Variants in HDAC7 observed in about 807,000 individuals in gnomAD.
HDAC7 encodes histone deacetylase 7, also known as histone deacetylase 7A.
A neutral mutation model predicts 115.5 loss-of-function variants in HDAC7; 26 were observed. The ratio of observed to expected loss-of-function variants is 0.23; its 90% confidence interval spans 0.16 to 0.31. The LOEUF is 0.31. Ranked by LOEUF, HDAC7 falls within the 10% of genes least tolerant of loss-of-function variation. The probability of loss-of-function intolerance (pLI) is 1.00; values close to 1 mark genes in which losing one functional copy is unlikely to be tolerated. For missense variants in HDAC7, 1,068 were observed against 1,329.0 expected (o/e 0.80, Z 3.05); for synonymous variants, 564 against 550.9 (o/e 1.02, Z -0.33).
chr12:47,811,813 A>G (rs1944680324), intron 1 of HDAC7, among the ~76,000 whole-genome samples: 1 of 152,204 alleles, frequency 6.6e-6, no homozygotes, highest in Non-Finnish European at 1.5e-5. Flanking sequence ...TCTACAACCT[A>G]GCGTCCTCTG....
chr12:47,795,397 G>A lies in HDAC7; in HGVS notation c.1088-17C>T. The A allele has an allele frequency of 1.3e-6, 2 of 1,566,942 alleles. No individual in the cohort carries two copies. Among genetic ancestry groups the A allele is most frequent in the Non-Finnish European group, 8.7e-7 (1 of 1,154,816 alleles). Reference sequence around the variant, plus strand: ...GCCCGGGCACTGGAAAGAATCGGGGGGTGGAATAAGGAGGGAACCACAGGG... The same window carrying A: ...GCCCGGGCACTGGAAAGAATCGGGGAGTGGAATAAGGAGGGAACCACAGGG... On this transcript the variant is annotated splice_polypyrimidine_tract_variant and intron_variant, in intron 10 of 25. Transcript: ENST00000080059. The surrounding 1 kb of genome is among the most constrained non-coding windows in gnomAD (Gnocchi z 4.3).
chr12:47,806,694 C>T (rs959579655), intron 1 of HDAC7, among the ~76,000 whole-genome samples: 3 of 151,858 alleles, frequency 2.0e-5, no homozygotes, highest in African/African-American at 4.8e-5. Flanking sequence ...GTCTCAAAAA[C>T]AAAAACAAAA....
At chr12:47,799,371 A>T (rs1270236518) in intron 2 of HDAC7, among the ~76,000 whole-genome samples, 2 of 152,150 alleles carry the variant, frequency 1.3e-5, no homozygotes, top group African/African-American at 4.8e-5. Flanking sequence ...CCCTGGAATC[A>T]GAGGATTTGC....
chr12:47,785,614 G>T (rs1943133300), intron 23 of HDAC7, 138 bp downstream of exon 23: 20 of 1,378,284 alleles, frequency 1.5e-5, no homozygotes, highest in Admixed American at 2.4e-5. Context: ...TTGGAACAGA[G>T]GCTTCCGCTT....
intron 16 of HDAC7, chr12:47,790,211 C>T (rs114054862): frequency 6.6e-5 from 27 of 406,692 alleles, no homozygotes; most frequent in Admixed American, 1.8e-4. Flanking sequence ...GTTACCTGGG[C>T]GGGACTTGGG....
chr12:47,784,256 C>G, intron 24 of HDAC7, 39 bp from the exon 25 acceptor site: 2 of 1,585,374 alleles, frequency 1.3e-6, no homozygotes. Flanking sequence ...TTGGAGAAAG[C>G]AAGCCCCTCC....
rs769769814 is a variant in HDAC7, at chr12:47,802,304, TG to T, written c.20-31del. The T allele has an allele frequency of 2.5e-6, 4 of 1,609,222 alleles. No homozygotes were observed. In the Admixed American group the frequency reaches 6.7e-5, roughly 27 times the overall value. On this transcript the variant is annotated intron_variant, in intron 1 of 25. Transcript: ENST00000080059. ...AGAGAGAGAGACGGAGTGAAAGAGC[TG>T]CAGGGAGGGGTGAGGAGAGGGAGCA... is the stretch of plus-strand genomic sequence containing the variant.
intron 1 of HDAC7, among the ~76,000 whole-genome samples, chr12:47,810,842 C>CTCTA (rs1555144470): frequency 7.9e-4 from 74 of 93,216 alleles, no homozygotes; most frequent in South Asian, 3.6e-3. Flanking sequence ...CTCTCTCTCT[C>CTCTA]TCTCTATCTC....
intron 1 of HDAC7, 47 bp downstream of exon 1, chr12:47,819,720 G>T: frequency 3.3e-6 from 2 of 611,472 alleles, no homozygotes; most frequent in Non-Finnish European, 4.2e-6. Context: ...GGGCGACGCT[G>T]GGTGCCGCGC....
chr12:47,786,953 A>G (rs1321965553), intron 21 of HDAC7, among the ~76,000 whole-genome samples: 1 of 152,246 alleles, frequency 6.6e-6, no homozygotes, highest in Non-Finnish European at 1.5e-5. Context: ...ATGGAGCACC[A>G]GAGGGAATGA....
intron 1 of HDAC7, among the ~76,000 whole-genome samples, chr12:47,809,047 C>T (rs1012398745): frequency 3.3e-5 from 5 of 152,226 alleles, no homozygotes; most frequent in African/African-American, 1.2e-4. Flanking sequence ...CTGCCTTCAT[C>T]TCTCCCCTTC....
chr12:47,793,342 C>A lies in HDAC7; in HGVS notation c.1678+27G>T. 7.2e-7 allele frequency: 1 copy of A among 1,397,850 alleles called. No homozygotes were observed. The highest frequency in any genetic ancestry group is 1.4e-5 in the South Asian group (1 of 73,976). The allele number at this position is 1,397,850 out of a possible 1,614,324, so 86.6% of individuals were successfully genotyped here. On this transcript the variant is annotated intron_variant, in intron 13 of 25. Coordinates refer to ENST00000080059, the MANE Select transcript of HDAC7 (RefSeq NM_015401.5). This position sits in a 1 kb window ranked among gnomAD's most constrained non-coding sequence, Gnocchi z 4.5. ...ACTCGTGCAGCCGAGCCCCTCCCTC[C>A]ACCCGCCACCCTCCTCCCGGTCTCA...
At chr12:47,800,291 C>T (rs1944100043) in intron 2 of HDAC7, among the ~76,000 whole-genome samples, 1 of 152,232 alleles carries the variant, frequency 6.6e-6, no homozygotes, top group Non-Finnish European at 1.5e-5. Flanking sequence ...CCTACCAAGG[C>T]AGGTACTCCA....
chr12:47,795,840 A>AGCAAGAAAAGGGAGTGAAAGAAGCTGGG lies in HDAC7; in HGVS notation c.906+38_906+65dup, dbSNP rs1943796662. 6.4e-6 allele frequency: 9 copies of AGCAAGAAAAGGGAGTGAAAGAAGCTGGG among 1,397,282 alleles called. No homozygotes were observed. In the African/African-American group the frequency reaches 1.3e-4, roughly 21 times the overall value. 86.6% of individuals were successfully genotyped at this position (1,397,282 alleles called of 1,614,324 possible). ...AACAATGAAGATGATGGGGTGAGGC[A>AGCAAGAAAAGGGAGTGAAAGAAGCTGGG]GCAAGAAAAGGGAGTGAAAGAAGCT... On this transcript the variant is annotated intron_variant, in intron 9 of 25. Coordinates refer to ENST00000080059, the MANE Select transcript of HDAC7 (RefSeq NM_015401.5). The surrounding 1 kb of genome is among the most constrained non-coding windows in gnomAD (Gnocchi z 4.3).
intron 16 of HDAC7, 75 bp downstream of exon 16, chr12:47,791,184 T>C: frequency 7.3e-7 from 1 of 1,366,666 alleles, no homozygotes; most frequent in South Asian, 1.2e-5. Context: ...CTGCAGGGGC[T>C]GGGCCTGGGA....
rs1352152410 is a variant in HDAC7, at chr12:47,783,685, G to A, written c.*156C>T. On this transcript the variant is annotated 3_prime_UTR_variant, in exon 26 of 26. Coordinates refer to ENST00000080059, the MANE Select transcript of HDAC7 (RefSeq NM_015401.5). ...ATTCTAGACCCAGGGATTTTCTCAC[G>A]CTCCCTGGGATAACTGTCAAAGCAG... The A allele has an allele frequency of 2.6e-5, 20 of 766,450 alleles. No individual in the cohort carries two copies. The highest frequency in any genetic ancestry group is 2.3e-4 in the South Asian group (14 of 61,382). 47.5% of individuals were successfully genotyped at this position (766,450 alleles called of 1,614,324 possible).
chr12:47,807,089 G>A (rs1944439242), intron 1 of HDAC7, among the ~76,000 whole-genome samples: 1 of 152,118 alleles, frequency 6.6e-6, no homozygotes, highest in Admixed American at 6.5e-5. Context: ...ACAGGCATAA[G>A]CCACCAAGCC....
chr12:47,816,418 A>G (rs928515401), intron 1 of HDAC7, among the ~76,000 whole-genome samples: 11 of 152,248 alleles, frequency 7.2e-5, no homozygotes, highest in African/African-American at 2.6e-4. Flanking sequence ...CATACAGATG[A>G]TGCACATCTG....
chr12:47,784,514 G>T, intron 24 of HDAC7: 1 of 608,214 alleles, frequency 1.6e-6, no homozygotes, highest in Non-Finnish European at 2.9e-6. Flanking sequence ...CCCCACAGGT[G>T]CGGGGCTCCT....
Sources: gnomAD v4.1 joint callset for allele counts (sites outside exome capture counted in the v4.1 genomes callset) on GRCh38, gnomAD v4.1.1 for gene constraint, Gnocchi (gnomAD v3.1) non-coding constraint, MANE v1.5 for transcripts, NCBI Gene and HGNC (gene_info 2026-07-23, HGNC 2026-07-21) for gene names.